ADCY9: variants seen among roughly 807,000 people sequenced by gnomAD.
The protein encoded by ADCY9 is adenylate cyclase 9.
A neutral mutation model predicts 101.5 loss-of-function variants in ADCY9; 50 were observed. The ratio of observed to expected loss-of-function variants is 0.49; its 90% CI spans 0.39 to 0.62. The LOEUF (loss-of-function observed/expected upper bound fraction) is 0.62, where lower values mean the gene tolerates loss of function less well. ADCY9 is among the 20% of genes least tolerant of loss of function. ADCY9 has a pLI of 0.00. For missense variants in ADCY9, 1,662 were observed against 1,800.4 expected (o/e 0.92, Z 1.39); for synonymous variants, 905 against 769.3 (o/e 1.18, Z -2.92).
chr16:3,978,440 G>A (rs1021833423), intron 8 of ADCY9, among the ~76,000 whole-genome samples: 3 of 152,206 alleles, frequency 2.0e-5, no homozygotes, highest in African/African-American at 7.2e-5. Context: ...AGCAGCAGCC[G>A]ACCCGGGCAC....
chr16:4,000,867 G>A (rs1392588715), intron 3 of ADCY9, among the ~76,000 whole-genome samples: 1 of 151,540 alleles, frequency 6.6e-6, no homozygotes, highest in East Asian at 1.9e-4. Flanking sequence ...GTCAAGATAA[G>A]AAAATATTTG....
At chr16:3,974,511 T>C (rs1025430627) in intron 10 of ADCY9, among the ~76,000 whole-genome samples, 158 bp downstream of exon 10, 2 of 152,212 alleles carry the variant, frequency 1.3e-5, no homozygotes, top group African/African-American at 4.8e-5. Context: ...ATAACTATGA[T>C]ACAGTTCAAC....
intron 5 of ADCY9, among the ~76,000 whole-genome samples, chr16:3,957,504 T>G (rs113492638): frequency 0.017 from 2,596 of 150,036 alleles, 69 homozygotes; most frequent in African/African-American, 0.06. Context: ...GATGGCGGAA[T>G]GGGGGTGGAG....
intron 2 of ADCY9, among the ~76,000 whole-genome samples, chr16:4,011,906 C>T (rs953835578): frequency 6.6e-6 from 1 of 152,206 alleles, no homozygotes; most frequent in African/African-American, 2.4e-5. Context: ...GAGGGCTTAC[C>T]ACACAGCTCG....
At position 3,977,538 on chromosome 16, in the gene ADCY9, G is replaced by T; in HGVS notation, c.2772C>A (p.Ala924=). 6.2e-7 allele frequency: 1 copy of T among 1,602,396 alleles called. No homozygotes were observed. Among genetic ancestry groups the T allele is most frequent in the Non-Finnish European group, 8.5e-7 (1 of 1,174,784 alleles). Residue 924 remains alanine, a synonymous_variant, in exon 9 of 11, where the codon GCC becomes GCA. Transcript: ENST00000294016. The part of the protein sequence containing the change: ...QLSSWMRSSL[A]TVVGAGPLLL... ...GCAGCGGCCCGGCCCCCACGACGGT[G>T]GCGAGGGAGGACCTCATCCAGGAGC...
intron 10 of ADCY9, among the ~76,000 whole-genome samples, chr16:3,970,159 G>A (rs183723629): frequency 3.6e-4 from 55 of 151,992 alleles, no homozygotes; most frequent in African/African-American, 1.3e-3. Context: ...TGCGACTGGC[G>A]GATCCACAGT....
intron 2 of ADCY9, among the ~76,000 whole-genome samples, chr16:4,043,155 C>T (rs1198012674): frequency 2.6e-5 from 4 of 151,968 alleles, no homozygotes; most frequent in East Asian, 2.0e-4. Context: ...GGCGTGAACC[C>T]GGGAGGCGGA....
rs771039334 is a variant in ADCY9, at chr16:4,115,319, G to A, written c.124C>T (p.His42Tyr). The A allele has an allele frequency of 6.2e-7, 1 of 1,613,622 alleles. No homozygotes were observed. Among genetic ancestry groups the A allele is most frequent in the East Asian group, 2.2e-5 (1 of 44,872 alleles). ...ATGCTGTATTTGCAGTGCTTGGGGT[G>A]GCTGTTGGAGGACAGCTGCTTGGGG... ...INPKQLSSNSHPKHCKYSISS... is the reference protein window; with the variant it reads ...INPKQLSSNSYPKHCKYSISS... Residue 42 changes from histidine (H) to tyrosine (Y), a missense_variant, in exon 2 of 11, where the codon CAC becomes TAC. By Grantham distance (83) the His-to-Tyr change is moderately conservative (BLOSUM62 2). Around this residue, in one of 5 missense-constraint regions of ADCY9, gnomAD observed 422 missense variants for 392.0 expected, o/e 1.08. Coordinates refer to ENST00000294016, the MANE Select transcript of ADCY9 (RefSeq NM_001116.4). This position sits in a 1 kb window ranked among gnomAD's most constrained non-coding sequence, Gnocchi z 6.2.
rs1038042634 is a variant in ADCY9, at chr16:3,992,638, G to A, written c.1990-275C>T. Among the ~76,000 whole-genome samples, 10 of 152,120 alleles carry A rather than the reference G, an allele frequency of 6.6e-5. No individual in the cohort carries two copies. Among genetic ancestry groups the A allele is most frequent in the Admixed American group, 6.5e-4 (10 of 15,274 alleles). On this transcript the variant is annotated intron_variant, in intron 4 of 10. Coordinates refer to ENST00000294016, the MANE Select transcript of ADCY9 (RefSeq NM_001116.4). The surrounding 1 kb of genome is among the most constrained non-coding windows in gnomAD (Gnocchi z 4.2). ...ACATTGAGACATGGGAAGAGTCGGT[G>A]CGGAGGTGGAGGGGAAGGGAGGAAA...
intron 2 of ADCY9, among the ~76,000 whole-genome samples, chr16:4,094,023 G>A (rs74005726): frequency 6.6e-6 from 1 of 152,118 alleles, no homozygotes; most frequent in East Asian, 1.9e-4. Context: ...TGGCAGAAGG[G>A]ACAAAGTTGA....
rs1368500117 is a variant in ADCY9, at chr16:4,069,582, C to T, written c.1693+44168G>A. Among the ~76,000 whole-genome samples, 2 of 152,102 alleles carry T rather than the reference C, an allele frequency of 1.3e-5. 1 individual carries two copies. The highest frequency in any genetic ancestry group is 4.2e-4 in the South Asian group (2 of 4,814). On this transcript the variant is annotated intron_variant, in intron 2 of 10. Transcript: ENST00000294016. ...CTATCAGGGTGACTTACCAGAGTTACCTCACTCATCACCAATTTGGCTGCT... is the reference window on the plus strand; with the variant it reads ...CTATCAGGGTGACTTACCAGAGTTATCTCACTCATCACCAATTTGGCTGCT...
At chr16:4,004,969 G>A (rs985242293) in intron 3 of ADCY9, among the ~76,000 whole-genome samples, 7 of 152,036 alleles carry the variant, frequency 4.6e-5, no homozygotes, top group African/African-American at 1.7e-4. Context: ...CTAATGTATT[G>A]GTCCTTGGCA....
At chr16:3,958,537 G>A (rs1214985644), downstream of ADCY9, among the ~76,000 whole-genome samples, 5 of 63,838 alleles carry the variant, frequency 7.8e-5, no homozygotes, top group South Asian at 7.2e-4. Context: ...GTGAAACTCC[G>A]TCTCAAAAAA....
In ADCY9 at chr16:3,964,627, C is replaced by T. The variant is rs950854868; in HGVS notation, c.*1148G>A. 2 of 152,766 alleles carry T rather than the reference C, an allele frequency of 1.3e-5. No homozygotes were observed. The highest frequency in any genetic ancestry group is 2.9e-5 in the Non-Finnish European group (2 of 68,502). The allele number at this position is 152,766 out of a possible 1,614,324, so 9.5% of individuals were successfully genotyped here. A position where few individuals can be genotyped will look rare whatever the true frequency, so the allele number is the denominator to read the frequency against. ...GACCCCCGTGGTTCTGAGCTGGACC[C>T]CGGCAGGGAGGAGCCCCCGTGGGTG... On this transcript the variant is annotated 3_prime_UTR_variant, in exon 11 of 11. Transcript: ENST00000294016.
chr16:3,967,239 C>T (rs2056007078), intron 10 of ADCY9, among the ~76,000 whole-genome samples: 1 of 152,224 alleles, frequency 6.6e-6, no homozygotes, highest in African/African-American at 2.4e-5. Context: ...ATTTTCCTGC[C>T]TTGGCCTCCC....
chr16:4,024,787 G>T (rs529599032), intron 2 of ADCY9, among the ~76,000 whole-genome samples: 6 of 152,208 alleles, frequency 3.9e-5, no homozygotes, highest in African/African-American at 1.2e-4. Flanking sequence ...TCAGTACGTG[G>T]ACGGATGAGT....
rs143490167 is a variant in ADCY9 at position 4,103,125 on chromosome 16, A to C, written c.1693+10625T>G. On this transcript the variant is annotated intron_variant, in intron 2 of 10. Coordinates refer to ENST00000294016, the MANE Select transcript of ADCY9 (RefSeq NM_001116.4). Reference sequence around the variant, plus strand: ...GTAAGAAAAGGTCAATGTATGAACTAAGGTCACTTGCTATTTCCACAGGCA... The same window carrying C: ...GTAAGAAAAGGTCAATGTATGAACTCAGGTCACTTGCTATTTCCACAGGCA... Among the ~76,000 whole-genome samples the C allele has an allele frequency of 1.8e-3, 272 of 152,404 alleles. 1 individual carries two copies. Among genetic ancestry groups the C allele is most frequent in the African/African-American group, 6.2e-3 (260 of 41,604 alleles).
intron 2 of ADCY9, among the ~76,000 whole-genome samples, chr16:4,106,645 A>G (rs1021217815): frequency 3.9e-5 from 6 of 152,178 alleles, no homozygotes; most frequent in Non-Finnish European, 8.8e-5. Flanking sequence ...TTACACTCTT[A>G]CAGTTTTGGA....
At chr16:4,061,813 T>C (rs1350259086) in intron 2 of ADCY9, among the ~76,000 whole-genome samples, 2 of 152,320 alleles carry the variant, frequency 1.3e-5, no homozygotes, top group East Asian at 3.9e-4. Context: ...TAGGCAAATA[T>C]ACAGCAGATT....
Sources: gnomAD v4.1 joint callset for allele counts (sites outside exome capture counted in the v4.1 genomes callset) on GRCh38, gnomAD v4.1.1 for gene constraint, gnomAD v4.1.1 regional missense constraint, Gnocchi (gnomAD v3.1) non-coding constraint, MANE v1.5 for transcripts, NCBI Gene and HGNC (gene_info 2026-07-23, HGNC 2026-07-21) for gene names.